Variants in KCNAB1 observed in about 807,000 individuals in gnomAD.
KCNAB1 encodes voltage-gated potassium channel subunit beta-1.
KCNAB1 carries 35 observed loss-of-function variants against 64.6 expected under a neutral mutation model. That is an observed-to-expected ratio of 0.54 (90% confidence interval 0.41 to 0.72). KCNAB1 has a LOEUF of 0.72. Among genes scored for constraint, KCNAB1 ranks in the 30% least tolerant of loss-of-function variants. The pLI, the probability that KCNAB1 is intolerant of heterozygous loss-of-function variation, is 0.00. For missense variants in KCNAB1, 401 were observed against 512.9 expected, an observed-to-expected ratio of 0.78 and a Z score of 2.11; for synonymous variants, 177 against 183.8, an observed-to-expected ratio of 0.96 and a Z score of 0.30.
chr3:156,217,277 G>T (rs1218906982), intron 1 of KCNAB1, among the ~76,000 whole-genome samples: 5 of 152,132 alleles, frequency 3.3e-5, no homozygotes, highest in African/African-American at 1.2e-4. Flanking sequence ...CTATTAATTT[G>T]GGTGACATGA....
intron 1 of KCNAB1, among the ~76,000 whole-genome samples, chr3:156,253,798 T>G (rs1373015951): frequency 1.3e-5 from 2 of 152,182 alleles, no homozygotes; most frequent in Non-Finnish European, 1.5e-5. Flanking sequence ...AATCAGAAAT[T>G]CCAGGGAAGA....
At chr3:156,478,323 T>A (rs1444870211) in intron 8 of KCNAB1, among the ~76,000 whole-genome samples, 2 of 152,200 alleles carry the variant, frequency 1.3e-5, no homozygotes, top group African/African-American at 4.8e-5. Flanking sequence ...ATATTAAATC[T>A]ACATTTATTA....
chr3:156,129,906 T>A (rs181857706), intron 1 of KCNAB1, among the ~76,000 whole-genome samples: 1 of 152,198 alleles, frequency 6.6e-6, no homozygotes. Flanking sequence ...ATACCCTGAT[T>A]TAAAATCTTT....
chr3:156,413,753 T>G (rs1226089034), intron 1 of KCNAB1, among the ~76,000 whole-genome samples: 1 of 152,212 alleles, frequency 6.6e-6, no homozygotes, highest in Non-Finnish European at 1.5e-5. Flanking sequence ...CAGCACCCAC[T>G]GTGAGCATCA....
chr3:156,396,875 C>T (rs989887450), intron 1 of KCNAB1, among the ~76,000 whole-genome samples: 1 of 152,172 alleles, frequency 6.6e-6, no homozygotes, highest in Non-Finnish European at 1.5e-5. Flanking sequence ...TTCACATAAC[C>T]AGTTACTTCA....
chr3:156,400,915 T>G (rs565992461), intron 1 of KCNAB1, among the ~76,000 whole-genome samples: 11 of 152,332 alleles, frequency 7.2e-5, no homozygotes, highest in African/African-American at 2.4e-4. Context: ...CATAGAATGA[T>G]GTTTATTTAC....
At chr3:156,482,277 A>G (rs993587115) in intron 8 of KCNAB1, among the ~76,000 whole-genome samples, 4 of 151,980 alleles carry the variant, frequency 2.6e-5, no homozygotes, top group African/African-American at 9.7e-5. Flanking sequence ...AAAACAACTC[A>G]ATAATAGGAT....
intron 1 of KCNAB1, among the ~76,000 whole-genome samples, chr3:156,179,685 T>C (rs1712672303): frequency 6.6e-6 from 1 of 152,170 alleles, no homozygotes; most frequent in African/African-American, 2.4e-5. Context: ...AAGGCAGCAA[T>C]AGAATGGACC....
rs7619390 is a variant in KCNAB1 at position 156,209,392 on chromosome 3, A to G, written c.275+88506A>G. On this transcript the variant is annotated intron_variant, in intron 1 of 13. Transcript: ENST00000490337. ...ATGGAGAATGCTCTCCTTTAGGGGA[A>G]AAGGTCATGAAAGGGCTCCTGCCTA... 2.2e-3 allele frequency among the ~76,000 whole-genome samples: 331 copies of G among 152,356 alleles called. 2 individuals are homozygous for G. The highest frequency in any genetic ancestry group is 7.7e-3 in the African/African-American group (319 of 41,584).
chr3:156,340,856 C>A (rs1246494893), intron 1 of KCNAB1, among the ~76,000 whole-genome samples: 3 of 152,116 alleles, frequency 2.0e-5, no homozygotes, highest in Admixed American at 6.5e-5. Context: ...AGAGTTATAT[C>A]CTCCCAAAAT....
chr3:156,305,266 A>G (rs1294936279), intron 1 of KCNAB1, among the ~76,000 whole-genome samples: 3 of 152,208 alleles, frequency 2.0e-5, no homozygotes, highest in African/African-American at 7.2e-5. Context: ...TATCTTTGCA[A>G]TAGGTCTTGT....
At chr3:156,497,108 A>G (rs1027385672) in intron 8 of KCNAB1, among the ~76,000 whole-genome samples, 1 of 152,208 alleles carries the variant, frequency 6.6e-6, no homozygotes, top group Non-Finnish European at 1.5e-5. Flanking sequence ...AAAGCAGTCT[A>G]TTCTAACATA....
chr3:156,528,717 AGAG>A (rs1314549242), intron 12 of KCNAB1, among the ~76,000 whole-genome samples: 1 of 152,198 alleles, frequency 6.6e-6, no homozygotes, highest in Non-Finnish European at 1.5e-5. Context: ...AGGGAGAGGA[AGAG>A]GAGAAAAGCA....
chr3:156,138,005 C>T (rs898538076), intron 1 of KCNAB1, among the ~76,000 whole-genome samples: 2 of 152,310 alleles, frequency 1.3e-5, no homozygotes, highest in East Asian at 3.9e-4. Context: ...GCTCATATCA[C>T]ATCACTTCGT....
At chr3:156,400,163 GA>G (rs1474080104) in intron 1 of KCNAB1, among the ~76,000 whole-genome samples, 1 of 152,200 alleles carries the variant, frequency 6.6e-6, no homozygotes, top group Non-Finnish European at 1.5e-5. Context: ...GAAAGCAGAA[GA>G]AAAGATTACA....
At position 156,292,993 on chromosome 3, in the gene KCNAB1, T is replaced by G. The variant is rs1316282121; in HGVS notation, c.276-128623T>G. ...TGCTTGAAATTAAATGTAGACCTTG[T>G]GAAATATGGAGAAAATGTAAATTGT... On this transcript the variant is annotated intron_variant, in intron 1 of 13. Transcript: ENST00000490337. Among the ~76,000 whole-genome samples, 3 of 152,258 alleles carry G rather than the reference T, an allele frequency of 2.0e-5. No homozygotes were observed. In the South Asian group the frequency reaches 6.2e-4, roughly 31 times the overall value.
intron 1 of KCNAB1, chr3:156,291,346 C>T (rs887188740): frequency 2.1e-5 from 21 of 992,320 alleles, no homozygotes; most frequent in Non-Finnish European, 2.4e-5. Context: ...ATGGAGACCA[C>T]CAGTCCGAGG....
rs756319757 is a variant in KCNAB1 at position 156,515,211 on chromosome 3, C to T, written c.856C>T (p.His286Tyr). The change falls in exon 10 of 14, where the codon CAC becomes TAC. Residue 286 changes from histidine to tyrosine, a missense_variant. Transcript: ENST00000490337. Reference sequence around the variant, plus strand: ...GGAGGTCCAGCTGCCAGAGCTCTACCACAAAATAGGTAATCTTCAAAATAA... The same window carrying T: ...GGAGGTCCAGCTGCCAGAGCTCTACTACAAAATAGGTAATCTTCAAAATAA... ...KVEVQLPELY[H>Y]KIGVGAMTWS... 6 of 1,609,376 alleles carry T rather than the reference C, an allele frequency of 3.7e-6. No homozygotes were observed. Among genetic ancestry groups the T allele is most frequent in the African/African-American group, 1.3e-5 (1 of 74,630 alleles).
intron 1 of KCNAB1, among the ~76,000 whole-genome samples, chr3:156,267,203 G>A (rs1269735363): frequency 6.6e-6 from 1 of 151,994 alleles, no homozygotes; most frequent in African/African-American, 2.4e-5. Flanking sequence ...TATTTTGCGG[G>A]CTGCTTTTTC....
Sources: gnomAD v4.1 joint callset for allele counts (sites outside exome capture counted in the v4.1 genomes callset) on GRCh38, gnomAD v4.1.1 for gene constraint, MANE v1.5 for transcripts, NCBI Gene and HGNC (gene_info 2026-07-23, HGNC 2026-07-21) for gene names.